MAP3K15: variants seen among roughly 807,000 people sequenced by gnomAD.
The protein encoded by MAP3K15 is mitogen-activated protein kinase kinase kinase 15.
Under a neutral mutation model 99.5 loss-of-function variants are expected in MAP3K15, and 124 were observed. The ratio of observed to expected loss-of-function variants is 1.25; its 90% CI spans 1.08 to 1.45. The LOEUF is 1.45. MAP3K15 is among the 40% of genes most tolerant of loss of function. The pLI is 0.00. For synonymous variants in MAP3K15, 494 were observed against 439.6 expected (o/e 1.12, Z -1.55); for missense variants, 1,242 against 1,079.7 (o/e 1.15, Z -2.11).
chrX:19,420,702 A>T (rs1177875907), intron 9 of MAP3K15, among the ~76,000 whole-genome samples: 1 of 111,903 alleles, frequency 8.9e-6, no homozygotes, highest in African/African-American at 3.3e-5. Flanking sequence ...CATCATCCTG[A>T]TACCAAAGCC....
At chrX:19,388,681 G>A (rs1362335685) in intron 18 of MAP3K15, among the ~76,000 whole-genome samples, 1 of 111,866 alleles carries the variant, frequency 8.9e-6, no homozygotes, top group Non-Finnish European at 1.9e-5. Flanking sequence ...TGGAGGTTAA[G>A]TAATATGCCC....
At chrX:19,505,843 T>C (rs1469510745) in intron 1 of MAP3K15, among the ~76,000 whole-genome samples, 1 of 107,823 alleles carries the variant, frequency 9.3e-6, no homozygotes, top group Non-Finnish European at 1.9e-5. Flanking sequence ...GCCTCCTGGG[T>C]TCAAGCAATT....
intron 1 of MAP3K15, among the ~76,000 whole-genome samples, chrX:19,513,222 G>A (rs775586623): frequency 1.1e-4 from 12 of 111,075 alleles, no homozygotes; most frequent in Non-Finnish European, 2.3e-4. Context: ...CTTCACAGTC[G>A]ACCTGTTAGA....
intron 18 of MAP3K15, among the ~76,000 whole-genome samples, chrX:19,383,241 C>G (rs1408047720): frequency 8.9e-6 from 1 of 112,270 alleles, no homozygotes; most frequent in Non-Finnish European, 1.9e-5. Context: ...TGGTAACCAG[C>G]AAACAGTTAT....
At chrX:19,501,400 T>C (rs1453308877) in intron 1 of MAP3K15, among the ~76,000 whole-genome samples, 2 of 112,289 alleles carry the variant, frequency 1.8e-5, no homozygotes, top group African/African-American at 6.5e-5. Flanking sequence ...TCCCAGCATG[T>C]CCAGTTTGAG....
At chrX:19,435,232 CTTT>C (rs762215032) in intron 6 of MAP3K15, among the ~76,000 whole-genome samples, 2 of 99,312 alleles carry the variant, frequency 2.0e-5, no homozygotes, top group East Asian at 6.2e-4. Flanking sequence ...CACTTGAATG[CTTT>C]TTTTTTTTTT....
intron 20 of MAP3K15, among the ~76,000 whole-genome samples, chrX:19,374,198 C>G (rs1276304219): frequency 9.0e-6 from 1 of 111,464 alleles, no homozygotes; most frequent in African/African-American, 3.3e-5. Flanking sequence ...CCTCCCCACT[C>G]TCTTCCCAAT....
At chrX:19,492,785 G>A (rs900974882) in intron 1 of MAP3K15, among the ~76,000 whole-genome samples, 4 of 110,677 alleles carry the variant, frequency 3.6e-5, no homozygotes, top group Admixed American at 9.7e-5. Context: ...TACCCAACGT[G>A]GTGAAATCCC....
intron 18 of MAP3K15, among the ~76,000 whole-genome samples, chrX:19,381,327 C>T (rs1229158466): frequency 9.0e-6 from 1 of 111,322 alleles, no homozygotes; most frequent in Non-Finnish European, 1.9e-5. Context: ...AAGGCAGAAT[C>T]AGGAAGAATC....
intron 5 of MAP3K15, 89 bp from the exon 6 acceptor site, chrX:19,457,108 C>A: frequency 1.6e-6 from 1 of 616,464 alleles, no homozygotes; most frequent in East Asian, 3.6e-5. Flanking sequence ...AGACAGCCTC[C>A]GCACTTAAAG....
At chrX:19,408,824 G>T (rs1602280582) in intron 12 of MAP3K15, among the ~76,000 whole-genome samples, 3 of 111,454 alleles carry the variant, frequency 2.7e-5, no homozygotes, top group Admixed American at 1.9e-4. Context: ...CCTTTCTTGA[G>T]CTACAGTGCC....
intron 16 of MAP3K15, among the ~76,000 whole-genome samples, chrX:19,393,758 CTCT>C (rs2063544370): frequency 1.2e-5 from 1 of 85,600 alleles, no homozygotes. Flanking sequence ...CACTGCCTGG[CTCT>C]TTTTTTTTTT....
At chrX:19,369,743 C>T (rs920726360) in intron 24 of MAP3K15, among the ~76,000 whole-genome samples, 2 of 109,047 alleles carry the variant, frequency 1.8e-5, no homozygotes, top group Non-Finnish European at 3.8e-5. Flanking sequence ...GGTGAAACCC[C>T]GTCTCTACTA....
intron 6 of MAP3K15, among the ~76,000 whole-genome samples, chrX:19,449,970 C>A (rs1244786982): frequency 9.2e-6 from 1 of 109,169 alleles, no homozygotes; most frequent in Non-Finnish European, 1.9e-5. Flanking sequence ...TCAAGCTACA[C>A]AGTAATAGTA....
At chrX:19,368,841 G>GTTTT (rs773761949) in intron 25 of MAP3K15, among the ~76,000 whole-genome samples, 1 of 94,090 alleles carries the variant, frequency 1.1e-5, no homozygotes, top group African/African-American at 3.9e-5. Context: ...CTGATTCTGA[G>GTTTT]TTTTTTTTTT....
intron 3 of MAP3K15, among the ~76,000 whole-genome samples, chrX:19,469,483 G>A (rs1444109963): frequency 1.8e-5 from 2 of 111,335 alleles, no homozygotes; most frequent in Non-Finnish European, 3.8e-5. Flanking sequence ...TCAGGACATA[G>A]GCATGGGCAA....
chrX:19,365,058 G>A (rs1047211382), intron 25 of MAP3K15, among the ~76,000 whole-genome samples: 2 of 109,752 alleles, frequency 1.8e-5, no homozygotes, highest in Non-Finnish European at 3.8e-5. Flanking sequence ...ACAAAAATCA[G>A]CCAGTTGTGG....
chrX:19,448,719 T>G (rs973915372), intron 6 of MAP3K15, among the ~76,000 whole-genome samples: 4 of 109,566 alleles, frequency 3.7e-5, no homozygotes, highest in South Asian at 4.0e-4. Context: ...TGTTGCATTT[T>G]CTTAGGCTGA....
At chrX:19,403,292 G>C (rs987634668) in intron 13 of MAP3K15, among the ~76,000 whole-genome samples, 1 of 110,567 alleles carries the variant, frequency 9.0e-6, no homozygotes, top group African/African-American at 3.3e-5. Context: ...CTGAATGAGG[G>C]TCAAAAGGGC....
Sources: gnomAD v4.1 joint callset for allele counts (sites outside exome capture counted in the v4.1 genomes callset) on GRCh38, gnomAD v4.1.1 for gene constraint, MANE v1.5 for transcripts, NCBI Gene and HGNC (gene_info 2026-07-23, HGNC 2026-07-21) for gene names.